The following ACVR1C variants were observed in gnomAD, a reference collection of about 807,000 sequenced individuals.
ACVR1C encodes the protein activin receptor type-1C.
In ACVR1C, 23 loss-of-function variants were observed where a neutral mutation model predicts 57.9. That is an observed-to-expected ratio of 0.40 (90% CI 0.29 to 0.56). ACVR1C has a LOEUF of 0.56. ACVR1C is among the 20% of genes least tolerant of loss of function. ACVR1C has a pLI of 0.50. For synonymous variants in ACVR1C, 214 were observed against 215.3 expected (o/e 0.99, Z 0.05); for missense variants, 480 against 607.9 (o/e 0.79, Z 2.21).
chr2:157,595,858 G>T (rs1358347092), intron 1 of ACVR1C, among the ~76,000 whole-genome samples: 1 of 152,004 alleles, frequency 6.6e-6, no homozygotes, highest in Non-Finnish European at 1.5e-5. Flanking sequence ...CATTCTCCAG[G>T]TCTCAGCTCA....
chr2:157,596,880 T>C (rs1682136736), intron 1 of ACVR1C, among the ~76,000 whole-genome samples: 1 of 152,108 alleles, frequency 6.6e-6, no homozygotes, highest in South Asian at 2.1e-4. Flanking sequence ...CTAAAGGAAC[T>C]TGGCCTTGTA....
intron 1 of ACVR1C, among the ~76,000 whole-genome samples, chr2:157,628,248 C>A (rs1682947805): frequency 6.6e-6 from 1 of 152,082 alleles, no homozygotes. Context: ...CACCCACAAA[C>A]GCTCTCCTAT....
chr2:157,614,178 A>G (rs1453658010), intron 1 of ACVR1C, among the ~76,000 whole-genome samples: 1 of 152,024 alleles, frequency 6.6e-6, no homozygotes, highest in Non-Finnish European at 1.5e-5. Context: ...TTTTAGTTTT[A>G]TGTCTGTGGG....
chr2:157,566,502 G>A (rs1413996271), intron 2 of ACVR1C, among the ~76,000 whole-genome samples: 3 of 152,194 alleles, frequency 2.0e-5, no homozygotes, highest in African/African-American at 7.2e-5. Context: ...CAGTGTGTGT[G>A]CCCACCGTGC....
At chr2:157,559,766 AGGTGAG>A (rs1688192570) in intron 2 of ACVR1C, among the ~76,000 whole-genome samples, 1 of 152,146 alleles carries the variant, frequency 6.6e-6, no homozygotes, top group Non-Finnish European at 1.5e-5. Context: ...TAACCCATAA[AGGTGAG>A]GGCCTGGCTG....
chr2:157,628,565 A>G lies in ACVR1C; in HGVS notation c.73+7T>C, dbSNP rs1421169015. On this transcript the variant is annotated splice_region_variant and intron_variant, in intron 1 of 8. Transcript: ENST00000243349. ...CGCGGGCGTCGGGAGAGAAACCAGC[A>G]CCGTACCTGGCGAGAGCTCGGCGGC... The G allele has an allele frequency of 6.2e-7, 1 of 1,607,094 alleles. No homozygotes were observed. The highest frequency in any genetic ancestry group is 8.5e-7 in the Non-Finnish European group (1 of 1,177,358).
intron 1 of ACVR1C, among the ~76,000 whole-genome samples, chr2:157,601,486 A>C (rs1350949478): frequency 2.6e-5 from 4 of 152,150 alleles, no homozygotes; most frequent in African/African-American, 7.2e-5. Flanking sequence ...AAACATAAGA[A>C]AGAAGTTATA....
intron 1 of ACVR1C, among the ~76,000 whole-genome samples, chr2:157,609,513 T>A (rs1249754521): frequency 1.3e-5 from 2 of 152,014 alleles, no homozygotes; most frequent in Non-Finnish European, 1.5e-5. Context: ...TTAAATCCAA[T>A]GTTTCTTTGT....
At chr2:157,562,141 A>T (rs1688245027) in intron 2 of ACVR1C, among the ~76,000 whole-genome samples, 1 of 151,908 alleles carries the variant, frequency 6.6e-6, no homozygotes, top group South Asian at 2.1e-4. Context: ...CGAAAAATAC[A>T]AAAAATTAGC....
intron 1 of ACVR1C, among the ~76,000 whole-genome samples, chr2:157,624,186 G>A (rs762231902): frequency 3.9e-5 from 6 of 152,128 alleles, no homozygotes; most frequent in Non-Finnish European, 7.4e-5. Context: ...AACAGCTTCA[G>A]GATGATATTT....
chr2:157,553,321 C>T (rs995996766), intron 3 of ACVR1C, among the ~76,000 whole-genome samples: 2 of 151,960 alleles, frequency 1.3e-5, no homozygotes, highest in African/African-American at 4.8e-5. Context: ...ATGCAACTGG[C>T]TTTGGGGGAA....
intron 1 of ACVR1C, among the ~76,000 whole-genome samples, chr2:157,599,918 C>A (rs1682243324): frequency 6.6e-6 from 1 of 152,306 alleles, no homozygotes; most frequent in East Asian, 1.9e-4. Flanking sequence ...GGGTTCTAAT[C>A]CTAGTTCTAG....
chr2:157,555,050 T>C (rs1000805619), intron 3 of ACVR1C, among the ~76,000 whole-genome samples: 2 of 151,022 alleles, frequency 1.3e-5, no homozygotes, highest in Non-Finnish European at 2.9e-5. Context: ...AAATGCTTTG[T>C]GTTGTGAGAA....
chr2:157,604,054 T>C (rs1018855115), intron 1 of ACVR1C, among the ~76,000 whole-genome samples: 1 of 152,078 alleles, frequency 6.6e-6, no homozygotes, highest in Non-Finnish European at 1.5e-5. Context: ...ATTCTAAAAA[T>C]ATACCTGATT....
chr2:157,608,412 T>G (rs1278781425), intron 1 of ACVR1C, among the ~76,000 whole-genome samples: 1 of 152,002 alleles, frequency 6.6e-6, no homozygotes, highest in African/African-American at 2.4e-5. Flanking sequence ...GATTTTTGCA[T>G]CTTTGTTCAT....
At chr2:157,580,498 A>C (rs1432982115) in intron 2 of ACVR1C, among the ~76,000 whole-genome samples, 33 of 152,210 alleles carry the variant, frequency 2.2e-4, no homozygotes, top group African/African-American at 7.2e-4. Flanking sequence ...GCATCATTTC[A>C]AAAATAAACT....
chr2:157,599,060 C>A (rs1682209058), intron 1 of ACVR1C, among the ~76,000 whole-genome samples: 1 of 151,686 alleles, frequency 6.6e-6, no homozygotes, highest in Non-Finnish European at 1.5e-5. Context: ...ATAGGCCGGT[C>A]GCGGTGGCTC....
chr2:157,566,351 T>G (rs1688377033), intron 2 of ACVR1C, among the ~76,000 whole-genome samples: 2 of 152,100 alleles, frequency 1.3e-5, no homozygotes, highest in African/African-American at 4.8e-5. Flanking sequence ...CTAGTGGGAA[T>G]GTGGAGCCAA....
intron 2 of ACVR1C, among the ~76,000 whole-genome samples, chr2:157,562,151 CCGGG>C (rs1688245529): frequency 6.6e-6 from 1 of 151,836 alleles, no homozygotes; most frequent in Non-Finnish European, 1.5e-5. Flanking sequence ...AAAAAATTAG[CCGGG>C]CATGGTGGCG....
Sources: allele counts gnomAD v4.1 joint callset (sites outside exome capture counted in the v4.1 genomes callset), GRCh38; gene constraint gnomAD v4.1.1; transcripts MANE v1.5; gene names NCBI Gene and HGNC (gene_info 2026-07-23, HGNC 2026-07-21).